PTER: variants seen among roughly 807,000 people sequenced by gnomAD.
PTER encodes the protein N-acetyltaurine hydrolase.
PTER carries 38 observed loss-of-function variants against 29.6 expected under a neutral mutation model. The observed-to-expected ratio is 1.28, with a 90% confidence interval of 0.99 to 1.68. PTER has a LOEUF of 1.68. Among genes scored for constraint, PTER ranks in the 40% most tolerant of loss-of-function variants. The pLI is 0.00. For synonymous variants in PTER, 172 were observed against 154.5 expected, an observed-to-expected ratio of 1.11 and a Z score of -0.84; for missense variants, 482 against 427.8, an observed-to-expected ratio of 1.13 and a Z score of -1.12.
At chr10:16,477,648 G>C (rs1835328707) in intron 1 of PTER, among the ~76,000 whole-genome samples, 1 of 152,100 alleles carries the variant, frequency 6.6e-6, no homozygotes, top group Non-Finnish European at 1.5e-5. Context: ...AACAGGTGTG[G>C]AGTGGTTAAC....
In PTER at chr10:16,513,152, C is replaced by T. The variant is rs572060511; in HGVS notation, c.*1896C>T. 16 of 152,254 alleles carry T rather than the reference C, an allele frequency of 1.1e-4. No individual in the cohort carries two copies. The East Asian group carries it at 3.1e-3, about 29-fold the overall frequency. The allele number at this position is 152,254 out of a possible 1,614,324, so 9.4% of individuals were successfully genotyped here. ...GCATATGGTAATAGAGCAACCATAG[C>T]CTTAACTTACAGACCTGTGAAATAA... On this transcript the variant is annotated 3_prime_UTR_variant, in exon 5 of 5. Transcript: ENST00000535784.
At chr10:16,463,906 T>TA (rs1379906725) in intron 1 of PTER, among the ~76,000 whole-genome samples, 2 of 152,168 alleles carry the variant, frequency 1.3e-5, no homozygotes, top group African/African-American at 4.8e-5. Context: ...CTTGTCTCAA[T>TA]AATAACCCCA....
intron 1 of PTER, among the ~76,000 whole-genome samples, chr10:16,456,685 T>C (rs1360331347): frequency 6.6e-6 from 1 of 151,904 alleles, no homozygotes; most frequent in Admixed American, 6.6e-5. Context: ...ATTTTGCGCA[T>C]TACCTGTTCT....
At chr10:16,486,942 A>G (rs1369154241) in intron 3 of PTER, 2 of 225,000 alleles carry the variant, frequency 8.9e-6, no homozygotes, top group East Asian at 9.9e-5. Context: ...ATGGGATGCT[A>G]TCAAAGTAGC....
downstream of PTER, among the ~76,000 whole-genome samples, chr10:16,517,563 C>T (rs1017190993): frequency 2.6e-5 from 4 of 152,172 alleles, no homozygotes; most frequent in Non-Finnish European, 5.9e-5. Flanking sequence ...GAGATTTCCT[C>T]TTTCCAAATG....
chr10:16,459,699 C>G (rs1179480996), intron 1 of PTER, among the ~76,000 whole-genome samples: 1 of 151,940 alleles, frequency 6.6e-6, no homozygotes, highest in Non-Finnish European at 1.5e-5. Context: ...TTGCTTTGCA[C>G]TTAGATATGC....
chr10:16,471,397 A>C (rs1038705311), intron 1 of PTER, among the ~76,000 whole-genome samples: 1 of 152,020 alleles, frequency 6.6e-6, no homozygotes, highest in Non-Finnish European at 1.5e-5. Flanking sequence ...TTCCCATTTT[A>C]CTCCCTTTTA....
chr10:16,464,479 T>A (rs1367316367), intron 1 of PTER, among the ~76,000 whole-genome samples: 1 of 152,208 alleles, frequency 6.6e-6, no homozygotes, highest in Non-Finnish European at 1.5e-5. Context: ...AGGCTTGTGT[T>A]TCCTGACTCG....
At chr10:16,442,410 A>G (rs1433620136) in intron 1 of PTER, among the ~76,000 whole-genome samples, 2 of 152,214 alleles carry the variant, frequency 1.3e-5, no homozygotes, top group Non-Finnish European at 1.5e-5. Flanking sequence ...AGAAATTGAA[A>G]TAAAGATTTA....
chr10:16,455,086 G>A (rs1157542841), intron 1 of PTER, among the ~76,000 whole-genome samples: 1 of 151,562 alleles, frequency 6.6e-6, no homozygotes, highest in Admixed American at 6.6e-5. Flanking sequence ...CAAATTACCT[G>A]GGCATGGTGG....
At chr10:16,508,573 TC>T (rs1836686207) in intron 4 of PTER, among the ~76,000 whole-genome samples, 1 of 152,100 alleles carries the variant, frequency 6.6e-6, no homozygotes, top group Non-Finnish European at 1.5e-5. Flanking sequence ...GACCGATGGC[TC>T]CCCCAGCATT....
At position 16,484,475 on chromosome 10, in the gene PTER, A is replaced by G. The variant is rs1835604712; in HGVS notation, c.91A>G (p.Met31Val). The change falls in exon 2 of 5, where the codon ATG becomes GTG. Residue 31 changes from methionine (M) to valine (V), a missense_variant. By Grantham distance (21) the Met-to-Val change is conservative. Coordinates refer to ENST00000535784, the MANE Select transcript of PTER (RefSeq NM_001261836.2). ...GRTLTHEHLA[M>V]TFDCCYCPPP... ...TACCCTGACCCATGAACACCTGGCC[A>G]TGACCTTTGACTGCTGTTACTGTCC... The G allele has an allele frequency of 3.1e-6, 5 of 1,614,022 alleles. No homozygotes were observed. The highest frequency in any genetic ancestry group is 1.1e-5 in the South Asian group (1 of 91,082).
chr10:16,458,820 G>A (rs1196121270), intron 1 of PTER, among the ~76,000 whole-genome samples: 1 of 152,136 alleles, frequency 6.6e-6, no homozygotes, highest in South Asian at 2.1e-4. Flanking sequence ...AGAAGCGTGA[G>A]TCCAATTTCC....
At chr10:16,477,709 C>T (rs1413810320) in intron 1 of PTER, among the ~76,000 whole-genome samples, 5 of 152,156 alleles carry the variant, frequency 3.3e-5, no homozygotes, top group African/African-American at 7.2e-5. Context: ...TGGATTCTTA[C>T]CTCTGAACCC....
At chr10:16,457,801 G>T (rs1834467274) in intron 1 of PTER, among the ~76,000 whole-genome samples, 1 of 151,766 alleles carries the variant, frequency 6.6e-6, no homozygotes, top group African/African-American at 2.4e-5. Context: ...GTAGAGACGG[G>T]ATTTCACCAT....
chr10:16,511,004 A>G, intron 4 of PTER, 42 bp from the exon 5 acceptor site: 1 of 1,557,096 alleles, frequency 6.4e-7, no homozygotes, highest in Non-Finnish European at 8.7e-7. Context: ...AAAAGCGAAA[A>G]TGAAAGACAA....
At chr10:16,500,414 T>G (rs1289426695) in intron 3 of PTER, among the ~76,000 whole-genome samples, 1 of 151,830 alleles carries the variant, frequency 6.6e-6, no homozygotes, top group Non-Finnish European at 1.5e-5. Context: ...CACACCCTGC[T>G]AATTTTTAAA....
At chr10:16,475,272 C>G (rs1564396401) in intron 1 of PTER, among the ~76,000 whole-genome samples, 2 of 152,106 alleles carry the variant, frequency 1.3e-5, no homozygotes, top group Non-Finnish European at 2.9e-5. Context: ...TCAGATTCTG[C>G]CAGTTGCATT....
At chr10:16,502,988 C>CA (rs61446204) in intron 3 of PTER, among the ~76,000 whole-genome samples, 4,963 of 41,142 alleles carry the variant, frequency 0.12, 521 homozygotes, top group African/African-American at 0.2. Flanking sequence ...GACTCTGTCT[C>CA]AAAAAAAAAA....
Sources: gnomAD v4.1 joint callset for allele counts (sites outside exome capture counted in the v4.1 genomes callset) on GRCh38, gnomAD v4.1.1 for gene constraint, MANE v1.5 for transcripts, NCBI Gene and HGNC (gene_info 2026-07-23, HGNC 2026-07-21) for gene names.